The following DST variants were observed in gnomAD, a reference collection of about 807,000 sequenced individuals.
The protein encoded by DST is bullous pemphigoid antigen.
DST carries 253 observed loss-of-function variants against 875.2 expected under a neutral mutation model. The ratio of observed to expected loss-of-function variants is 0.29; its 90% CI spans 0.26 to 0.32. The LOEUF (loss-of-function observed/expected upper bound fraction) is 0.32. Among genes scored for constraint, DST ranks in the 10% least tolerant of loss-of-function variants. The pLI, the probability that DST is intolerant of heterozygous loss-of-function variation, is 1.00. For missense variants in DST, 8,287 were observed against 9,111.6 expected (o/e 0.91, Z 3.68); for synonymous variants, 3,124 against 3,197.1 (o/e 0.98, Z 0.77).
chr6:56,605,234 C>A lies in DST; in HGVS notation c.9394G>T (p.Val3132Phe). Residue 3132 changes from valine to phenylalanine, a missense_variant, in exon 40 of 104, where the codon GTT becomes TTT. By Grantham distance (50) the Val-to-Phe change is conservative. Coordinates refer to ENST00000680361, the MANE Select transcript of DST (RefSeq NM_001374736.1). ...ATTTCTTCAAGATTCTCAAACTGAA[C>A]AGGACTTTTACTAACTATTATTTGT... The part of the protein sequence containing the change: ...NLQIIVSKSP[V>F]QFENLEEIFD... 1 of 1,611,148 alleles carries A rather than the reference C, an allele frequency of 6.2e-7. No homozygotes were observed. The highest frequency in any genetic ancestry group is 8.5e-7 in the Non-Finnish European group (1 of 1,178,392).
At chr6:56,756,916 G>C (rs111891397) in intron 4 of DST, among the ~76,000 whole-genome samples, 2,016 of 152,276 alleles carry the variant, frequency 0.013, 42 homozygotes, top group African/African-American at 0.046. Context: ...GAACAACAAA[G>C]AGTCATGGTC....
chr6:56,783,327 T>TA (rs1244961685), intron 4 of DST, among the ~76,000 whole-genome samples: 2 of 152,196 alleles, frequency 1.3e-5, no homozygotes, highest in African/African-American at 4.8e-5. Context: ...AGTGGGGTGT[T>TA]AAAGTCTCCC....
At chr6:56,471,832 A>T (rs1187245679) in intron 94 of DST, 1 of 567,060 alleles carries the variant, frequency 1.8e-6, no homozygotes, top group Admixed American at 3.0e-5. Flanking sequence ...AAACATAATC[A>T]TTTTTTTTAC....
chr6:56,502,379 C>T (rs1479074197), intron 78 of DST, among the ~76,000 whole-genome samples: 4 of 151,996 alleles, frequency 2.6e-5, no homozygotes, highest in Non-Finnish European at 4.4e-5. Flanking sequence ...TAACTTTGTT[C>T]AAAAATACAT....
intron 2 of DST, among the ~76,000 whole-genome samples, chr6:56,943,380 TAAAA>T: frequency 7.0e-6 from 1 of 143,318 alleles, no homozygotes; most frequent in Non-Finnish European, 1.5e-5. Context: ...TCCTTTAAAT[TAAAA>T]AAAAAAAAGT....
chr6:56,616,001 A>G, intron 36 of DST: 1 of 1,614,206 alleles, frequency 6.2e-7, no homozygotes. Flanking sequence ...AGGATCAATT[A>G]TGCCCCCTGT....
intron 48 of DST, 147 bp downstream of exon 48, chr6:56,593,516 C>CA (rs58251502): frequency 0.11 from 34,619 of 316,640 alleles, 33 homozygotes; most frequent in East Asian, 0.15. Flanking sequence ...GACTCCTTCT[C>CA]AAAAAAAAAA....
chr6:56,515,667 T>C lies in DST; in HGVS notation c.18359A>G (p.Lys6120Arg). The C allele has an allele frequency of 6.3e-7, 1 of 1,586,972 alleles. No homozygotes were observed. Residue 6120 changes from lysine (K) to arginine (R), a missense_variant and splice_region_variant, in exon 72 of 104, where the codon AAA becomes AGA. By Grantham distance (26) the Lys-to-Arg change is conservative. Transcript: ENST00000680361. ...CSEEEKQSMK[K>R]KLDKVLKNYD... ...GTTCTTCAGTACCTTGTCCAGTTTT[T>C]TCTAGAAAATAAAAGGATGAAATGT...
chr6:56,732,536 A>C (rs929514773), intron 5 of DST, among the ~76,000 whole-genome samples: 3 of 152,212 alleles, frequency 2.0e-5, no homozygotes, highest in Non-Finnish European at 4.4e-5. Context: ...CGAAGAGCAA[A>C]AAAATCCTCA....
At chr6:56,658,516 G>A (rs2099022223) in intron 10 of DST, among the ~76,000 whole-genome samples, 1 of 152,214 alleles carries the variant, frequency 6.6e-6, no homozygotes, top group Non-Finnish European at 1.5e-5. Flanking sequence ...ATTTACCCAA[G>A]ATCTCAAGAG....
At chr6:56,794,359 A>C (rs2099736153) in intron 4 of DST, among the ~76,000 whole-genome samples, 1 of 152,184 alleles carries the variant, frequency 6.6e-6, no homozygotes, top group African/African-American at 2.4e-5. Flanking sequence ...AAAACACATT[A>C]CGTTGACAGT....
At chr6:56,692,482 G>A in intron 9 of DST, 1 of 1,289,462 alleles carries the variant, frequency 7.8e-7, no homozygotes, top group Non-Finnish European at 1.0e-6. Flanking sequence ...TGTTGCATGA[G>A]GGCAAAATCT....
intron 2 of DST, among the ~76,000 whole-genome samples, chr6:56,932,637 T>C (rs2127765318): frequency 6.6e-6 from 1 of 152,198 alleles, no homozygotes; most frequent in East Asian, 1.9e-4. Flanking sequence ...ACATCAAATA[T>C]TTAGCCAACA....
chr6:56,611,665 A>T, intron 37 of DST, 69 bp from the exon 38 acceptor site: 1 of 1,140,136 alleles, frequency 8.8e-7, no homozygotes, highest in Non-Finnish European at 1.3e-6. Flanking sequence ...TTTTAAAAAA[A>T]AGAAATTAAT....
intron 85 of DST, among the ~76,000 whole-genome samples, chr6:56,490,758 T>C (rs900664276): frequency 6.6e-6 from 1 of 152,128 alleles, no homozygotes; most frequent in Non-Finnish European, 1.5e-5. Flanking sequence ...CTCCAAATAA[T>C]ACAGGCTATA....
intron 5 of DST, among the ~76,000 whole-genome samples, chr6:56,705,536 T>A (rs2099329649): frequency 6.6e-6 from 1 of 152,246 alleles, no homozygotes; most frequent in African/African-American, 2.4e-5. Context: ...AAAACTTTAT[T>A]ATCTTAGTTG....
At chr6:56,902,437 G>A (rs1353710307) in intron 2 of DST, among the ~76,000 whole-genome samples, 2 of 152,236 alleles carry the variant, frequency 1.3e-5, no homozygotes, top group Non-Finnish European at 2.9e-5. Flanking sequence ...TTCTCACTGA[G>A]GGAGCCGGAA....
intron 36 of DST, chr6:56,614,930 C>T (rs1326051513): frequency 4.0e-6 from 4 of 992,140 alleles, no homozygotes; most frequent in African/African-American, 3.5e-5. Flanking sequence ...TCCTCCAACA[C>T]ATAATATTCA....
At chr6:56,889,030 T>A (rs1028193753) in intron 3 of DST, among the ~76,000 whole-genome samples, 5 of 152,214 alleles carry the variant, frequency 3.3e-5, no homozygotes, top group Non-Finnish European at 7.3e-5. Context: ...CCTAGACCCA[T>A]GTCTGCTTAA....
Sources: gnomAD v4.1 joint callset for allele counts (sites outside exome capture counted in the v4.1 genomes callset) on GRCh38, gnomAD v4.1.1 for gene constraint, MANE v1.5 for transcripts, NCBI Gene and HGNC (gene_info 2026-07-23, HGNC 2026-07-21) for gene names.